The following DLG2 variants were observed in gnomAD, a reference collection of about 807,000 sequenced individuals.
DLG2 encodes disks large homolog 2.
A neutral mutation model predicts 132.5 loss-of-function variants in DLG2; 45 were observed. That is an observed-to-expected ratio of 0.34 (90% CI 0.27 to 0.44). The LOEUF (loss-of-function observed/expected upper bound fraction) is 0.44. Among genes scored for constraint, DLG2 ranks in the 20% least tolerant of loss-of-function variants. DLG2 has a pLI of 1.00. For synonymous variants in DLG2, 424 were observed against 419.6 expected, an observed-to-expected ratio of 1.01 and a Z score of -0.13; for missense variants, 1,045 against 1,196.9, an observed-to-expected ratio of 0.87 and a Z score of 1.87.
At chr11:85,245,962 A>G (rs539803565) in intron 4 of DLG2, among the ~76,000 whole-genome samples, 4 of 151,790 alleles carry the variant, frequency 2.6e-5, no homozygotes, top group Non-Finnish European at 5.9e-5. Context: ...CTCAATTGTC[A>G]TATTCTCTGT....
chr11:84,898,826 C>T (rs1358999806), intron 6 of DLG2, among the ~76,000 whole-genome samples: 1 of 152,022 alleles, frequency 6.6e-6, no homozygotes, highest in African/African-American at 2.4e-5. Context: ...ATGTTCCCCT[C>T]CCCAGCAAAG....
rs138438184 is a variant in DLG2 at position 83,531,118 on chromosome 11, T to C, written c.2193+1590A>G. 2.7e-3 allele frequency among the ~76,000 whole-genome samples: 411 copies of C among 152,000 alleles called. 4 individuals carry two copies. Among genetic ancestry groups the C allele is most frequent in the African/African-American group, 9.5e-3 (394 of 41,540 alleles). ...TCATTAGGCAATGGTTTCTTAGATA[T>C]GACACCAAAAGCAAAAATAACAAAA... On this transcript the variant is annotated intron_variant, in intron 21 of 27. Transcript: ENST00000376104.
chr11:85,449,348 G>A (rs1329917144), intron 3 of DLG2, among the ~76,000 whole-genome samples: 1 of 151,660 alleles, frequency 6.6e-6, no homozygotes, highest in African/African-American at 2.4e-5. Flanking sequence ...ACTCTTTTAT[G>A]TTTTTCACCT....
intron 7 of DLG2, among the ~76,000 whole-genome samples, chr11:84,252,117 T>C (rs959916928): frequency 6.6e-6 from 1 of 150,886 alleles, no homozygotes; most frequent in African/African-American, 2.4e-5. Context: ...TTATGCGTGC[T>C]GTATCCTGTA....
At chr11:84,515,974 C>T (rs535092370) in intron 7 of DLG2, among the ~76,000 whole-genome samples, 13 of 69,190 alleles carry the variant, frequency 1.9e-4, no homozygotes, top group South Asian at 6.9e-4. Flanking sequence ...ATTAAACAAA[C>T]GTGTTCTTGA....
At chr11:84,579,783 A>C (rs756532638) in intron 6 of DLG2, among the ~76,000 whole-genome samples, 1 of 152,234 alleles carries the variant, frequency 6.6e-6, no homozygotes, top group Non-Finnish European at 1.5e-5. Context: ...GTGGATTCCT[A>C]TAAGAATAAT....
At chr11:84,066,148 T>C (rs903921593) in intron 10 of DLG2, among the ~76,000 whole-genome samples, 2 of 152,074 alleles carry the variant, frequency 1.3e-5, no homozygotes, top group African/African-American at 4.8e-5. Context: ...CAGAATAAGC[T>C]ATACACCAAA....
chr11:83,954,133 C>A (rs2449588), intron 14 of DLG2, among the ~76,000 whole-genome samples: 59,174 of 151,874 alleles, frequency 0.39, 13,283 homozygotes, highest in African/African-American at 0.61. Context: ...TCTATAGGAG[C>A]CGGTTTTAAA....
chr11:84,925,965 C>G (rs1195937956), intron 6 of DLG2, among the ~76,000 whole-genome samples: 1 of 152,086 alleles, frequency 6.6e-6, no homozygotes, highest in Non-Finnish European at 1.5e-5. Context: ...ACAATTGTGA[C>G]TATATGAAAA....
At position 84,819,055 on chromosome 11, in the gene DLG2, C is replaced by A. The variant is rs1320802003; in HGVS notation, c.358-284324G>T. ...CCTTTTTACACATACATACACTGGCCCACACTCCCTCACTCACAAATACAC... is the reference window on the plus strand; with the variant it reads ...CCTTTTTACACATACATACACTGGCACACACTCCCTCACTCACAAATACAC... On this transcript the variant is annotated intron_variant, in intron 6 of 27. Transcript: ENST00000376104. 3.1e-5 allele frequency among the ~76,000 whole-genome samples: 3 copies of A among 96,436 alleles called. No homozygotes were observed. The East Asian group carries it at 7.3e-4, about 23-fold the overall frequency. 63.3% of individuals were successfully genotyped at this position (96,436 alleles called of 152,430 possible).
At chr11:85,214,327 A>G (rs2082439998) in intron 4 of DLG2, among the ~76,000 whole-genome samples, 1 of 152,130 alleles carries the variant, frequency 6.6e-6, no homozygotes, top group Non-Finnish European at 1.5e-5. Context: ...ACACTATTTC[A>G]AAACTCACAT....
chr11:85,287,896 A>G (rs1441605064), intron 3 of DLG2, among the ~76,000 whole-genome samples: 2 of 152,176 alleles, frequency 1.3e-5, no homozygotes, highest in African/African-American at 4.8e-5. Context: ...AAAATTTTGT[A>G]AAGTTGAAAA....
intron 7 of DLG2, chr11:84,317,249 T>C (rs962106286): frequency 3.3e-6 from 5 of 1,506,322 alleles, no homozygotes; most frequent in Non-Finnish European, 4.4e-6. Flanking sequence ...TTTTCCACCG[T>C]GGATTCCTCA....
At chr11:83,602,156 T>G (rs2058670529) in intron 19 of DLG2, among the ~76,000 whole-genome samples, 1 of 152,072 alleles carries the variant, frequency 6.6e-6, no homozygotes, top group Admixed American at 6.5e-5. Context: ...AATGAGCGAG[T>G]CTTTCTGCTT....
rs73518993 is a variant in DLG2, at chr11:84,941,106, A to G, written c.357+170555T>C. Among the ~76,000 whole-genome samples, 432 of 152,316 alleles carry G rather than the reference A, an allele frequency of 2.8e-3. 1 individual carries two copies. Among genetic ancestry groups the G allele is most frequent in the African/African-American group, 1.0e-2 (414 of 41,580 alleles). ...TCTGTGTGTCTGTTTCTATGCCAGT[A>G]ATATGCTGTTTTGGTTACTATAGCT... is the stretch of plus-strand genomic sequence containing the variant. On this transcript the variant is annotated intron_variant, in intron 6 of 27. Transcript: ENST00000376104.
chr11:83,622,307 A>C (rs769035775), intron 19 of DLG2, among the ~76,000 whole-genome samples: 2 of 152,216 alleles, frequency 1.3e-5, no homozygotes, highest in Non-Finnish European at 2.9e-5. Flanking sequence ...GGTCCTGGGC[A>C]ACCCATTGTG....
chr11:83,728,507 C>G (rs1363385690), intron 18 of DLG2, among the ~76,000 whole-genome samples: 2 of 152,200 alleles, frequency 1.3e-5, no homozygotes, highest in African/African-American at 2.4e-5. Flanking sequence ...AATGACCAAC[C>G]CACTATTCCC....
intron 11 of DLG2, among the ~76,000 whole-genome samples, chr11:84,048,074 G>GT (rs2096276038): frequency 6.6e-6 from 1 of 151,316 alleles, no homozygotes; most frequent in Non-Finnish European, 1.5e-5. Flanking sequence ...AATTAACAAC[G>GT]TGCATGCACA....
intron 22 of DLG2, among the ~76,000 whole-genome samples, chr11:83,476,947 A>G (rs1218094913): frequency 6.6e-6 from 1 of 152,134 alleles, no homozygotes; most frequent in African/African-American, 2.4e-5. Flanking sequence ...GTTGAGAATA[A>G]TAGAGTAAGG....
Sources: allele counts gnomAD v4.1 joint callset (sites outside exome capture counted in the v4.1 genomes callset), GRCh38; gene constraint gnomAD v4.1.1; transcripts MANE v1.5; gene names NCBI Gene and HGNC (gene_info 2026-07-23, HGNC 2026-07-21).